Variants in CAMKMT observed in about 807,000 individuals in gnomAD.
CAMKMT encodes the protein calmodulin-lysine N-methyltransferase, also known as CaM KMT.
CAMKMT carries 53 observed loss-of-function variants against 48.0 expected under a neutral mutation model. The ratio of observed to expected loss-of-function variants is 1.10; its 90% confidence interval spans 0.89 to 1.39. CAMKMT has a LOEUF of 1.39. Among genes scored for constraint, CAMKMT ranks in the 40% most tolerant of loss-of-function variants. The pLI is 0.00. For synonymous variants in CAMKMT, 165 were observed against 152.3 expected (o/e 1.08, Z -0.61); for missense variants, 428 against 402.7 (o/e 1.06, Z -0.54).
intron 3 of CAMKMT, among the ~76,000 whole-genome samples, chr2:44,472,410 T>C (rs1045627137): frequency 6.6e-6 from 1 of 152,254 alleles, no homozygotes; most frequent in Non-Finnish European, 1.5e-5. Context: ...ACCATAGTAG[T>C]CAGCGAATAA....
At chr2:44,629,329 A>G (rs1324234200) in intron 3 of CAMKMT, among the ~76,000 whole-genome samples, 1 of 152,030 alleles carries the variant, frequency 6.6e-6, no homozygotes, top group East Asian at 1.9e-4. Context: ...TGATATCAAT[A>G]CAGCTACACT....
At chr2:44,762,926 G>C (rs570463579) in intron 9 of CAMKMT, among the ~76,000 whole-genome samples, 23 of 152,360 alleles carry the variant, frequency 1.5e-4, no homozygotes, top group South Asian at 1.5e-3. Context: ...TTAGAAAGTT[G>C]TGCTTTGGCA....
intron 3 of CAMKMT, among the ~76,000 whole-genome samples, chr2:44,542,496 T>TACACAC (rs371102222): frequency 1.3e-3 from 177 of 134,106 alleles, no homozygotes; most frequent in Middle Eastern, 3.7e-3. Context: ...CACATACACA[T>TACACAC]ACACACACAC....
chr2:44,626,034 C>G (rs977586294), intron 3 of CAMKMT, among the ~76,000 whole-genome samples: 1 of 152,116 alleles, frequency 6.6e-6, no homozygotes, highest in East Asian at 1.9e-4. Flanking sequence ...GGTTGGCAAT[C>G]TCTAAAAAAT....
In CAMKMT at chr2:44,622,801, G is replaced by A. The variant is rs72867712; in HGVS notation, c.377-81482G>A. Among the ~76,000 whole-genome samples the A allele has an allele frequency of 2.5e-3, 388 of 152,308 alleles. 1 individual carries two copies. Among genetic ancestry groups the A allele is most frequent in the African/African-American group, 9.2e-3 (382 of 41,558 alleles). On this transcript the variant is annotated intron_variant, in intron 3 of 10. Coordinates refer to ENST00000378494, the MANE Select transcript of CAMKMT (RefSeq NM_024766.5). ...GAATAGTGCTGTGATGAACATAGAA[G>A]TACATGTGTCTTATTGGTAGAATGA...
chr2:44,706,750 C>A (rs867527587), intron 5 of CAMKMT, among the ~76,000 whole-genome samples: 2 of 151,968 alleles, frequency 1.3e-5, no homozygotes, highest in Middle Eastern at 3.4e-3. Flanking sequence ...ATCCAGAGCG[C>A]TCAGTAATTA....
chr2:44,462,687 C>G (rs1667908208), intron 3 of CAMKMT, among the ~76,000 whole-genome samples: 1 of 151,902 alleles, frequency 6.6e-6, no homozygotes, highest in Non-Finnish European at 1.5e-5. Context: ...GTGCTGAAGT[C>G]CTTGCGTTCA....
chr2:44,459,745 T>G (rs1198176120), intron 3 of CAMKMT, among the ~76,000 whole-genome samples: 1 of 152,214 alleles, frequency 6.6e-6, no homozygotes, highest in East Asian at 1.9e-4. Context: ...TAGCAAGCCT[T>G]GATAGCAAAG....
At chr2:44,748,364 C>T (rs1218426939) in intron 8 of CAMKMT, among the ~76,000 whole-genome samples, 1 of 151,964 alleles carries the variant, frequency 6.6e-6, no homozygotes, top group Non-Finnish European at 1.5e-5. Context: ...TTTATAAGGG[C>T]ATGTTTGAAG....
chr2:44,574,664 T>C (rs986773955), intron 3 of CAMKMT, among the ~76,000 whole-genome samples: 7 of 151,980 alleles, frequency 4.6e-5, no homozygotes, highest in African/African-American at 9.7e-5. Context: ...TTGCGTTGAC[T>C]TATAGAGTAA....
At chr2:44,517,978 T>C (rs556246566) in intron 3 of CAMKMT, among the ~76,000 whole-genome samples, 84 of 152,316 alleles carry the variant, frequency 5.5e-4, no homozygotes, top group Admixed American at 1.7e-3. Context: ...GGGAAACCAG[T>C]TAATTTTCCT....
At chr2:44,459,662 T>C (rs1248640016) in intron 3 of CAMKMT, among the ~76,000 whole-genome samples, 2 of 152,186 alleles carry the variant, frequency 1.3e-5, no homozygotes, top group Non-Finnish European at 2.9e-5. Flanking sequence ...GACTCCCCCA[T>C]ATCCCCCGCA....
chr2:44,706,840 T>C (rs1037092344), intron 5 of CAMKMT, among the ~76,000 whole-genome samples: 7 of 152,086 alleles, frequency 4.6e-5, no homozygotes, highest in East Asian at 1.9e-4. Context: ...CAGGAGATAT[T>C]ATGTAGCAGC....
At chr2:44,608,103 T>C (rs7581739) in intron 3 of CAMKMT, among the ~76,000 whole-genome samples, 90,106 of 141,702 alleles carry the variant, frequency 0.64, 29,293 homozygotes, top group Middle Eastern at 0.71. Context: ...GACGGAGTCT[T>C]GCTCCGTCGC....
rs868530834 is a variant in CAMKMT at position 44,549,082 on chromosome 2, T to C, written c.377-155201T>C. On this transcript the variant is annotated intron_variant, in intron 3 of 10. Transcript: ENST00000378494. ...CACATTTGTTTCCTCCGAGATCAGATGGAAACATGATCCCCTTTTTCTGTT... is the reference window on the plus strand; with the variant it reads ...CACATTTGTTTCCTCCGAGATCAGACGGAAACATGATCCCCTTTTTCTGTT... Among the ~76,000 whole-genome samples the C allele has an allele frequency of 3.9e-5, 6 of 152,354 alleles. No individual in the cohort carries two copies. The Middle Eastern group carries it at 0.01, about 259-fold the overall frequency.
intron 3 of CAMKMT, among the ~76,000 whole-genome samples, chr2:44,516,130 T>A (rs1256690569): frequency 6.6e-6 from 1 of 152,204 alleles, no homozygotes; most frequent in African/African-American, 2.4e-5. Flanking sequence ...GAGCGCCTCA[T>A]ATGAAACACC....
intron 3 of CAMKMT, among the ~76,000 whole-genome samples, chr2:44,655,605 A>G (rs866148030): frequency 2.0e-5 from 3 of 152,212 alleles, no homozygotes; most frequent in Admixed American, 1.3e-4. Context: ...TGCATTATCT[A>G]TACGCAAATG....
chr2:44,434,521 G>A lies in CAMKMT; in HGVS notation c.376+44216G>A, dbSNP rs147380556. Among the ~76,000 whole-genome samples, 596 of 152,162 alleles carry A rather than the reference G, an allele frequency of 3.9e-3. 2 individuals carry two copies. The highest frequency in any genetic ancestry group is 0.014 in the African/African-American group (568 of 41,496). ...AATCTGACCTAAGCTCTCCATTTAT[G>A]CCCTAATTGTAATATTGTCCTACTG... On this transcript the variant is annotated intron_variant, in intron 3 of 10. Coordinates refer to ENST00000378494, the MANE Select transcript of CAMKMT (RefSeq NM_024766.5).
rs143879236 is a variant in CAMKMT, at chr2:44,548,666, G to A, written c.377-155617G>A. Among the ~76,000 whole-genome samples, 45 of 152,324 alleles carry A rather than the reference G, an allele frequency of 3.0e-4. No individual in the cohort carries two copies. The East Asian group carries it at 8.5e-3, about 29-fold the overall frequency. ...TGGGTCTAGAGGTCAGAGACGGGAAGTCAGAGACGAAGCAGGAGAAGGATT... is the reference window on the plus strand; with the variant it reads ...TGGGTCTAGAGGTCAGAGACGGGAAATCAGAGACGAAGCAGGAGAAGGATT... On this transcript the variant is annotated intron_variant, in intron 3 of 10. Transcript: ENST00000378494.
Sources: gnomAD v4.1 joint callset for allele counts (sites outside exome capture counted in the v4.1 genomes callset) on GRCh38, gnomAD v4.1.1 for gene constraint, MANE v1.5 for transcripts, NCBI Gene and HGNC (gene_info 2026-07-23, HGNC 2026-07-21) for gene names.